The following ZNF808 variants were observed in gnomAD, a reference collection of about 807,000 sequenced individuals.
The protein encoded by ZNF808 is zinc finger protein 808.
In ZNF808, 5 loss-of-function variants were observed where a neutral mutation model predicts 8.7. The ratio of observed to expected loss-of-function variants is 0.58; its 90% CI spans 0.30 to 1.21. The LOEUF (loss-of-function observed/expected upper bound fraction) is 1.21. Ranked by LOEUF, ZNF808 falls within the 50% of genes most tolerant of loss-of-function variation. ZNF808 has a pLI of 0.07. For missense variants in ZNF808, 1,103 were observed against 1,098.4 expected, an observed-to-expected ratio of 1.00 and a Z score of -0.06; for synonymous variants, 380 against 366.0, an observed-to-expected ratio of 1.04 and a Z score of -0.44.
intron 2 of ZNF808, among the ~76,000 whole-genome samples, chr19:52,539,553 T>TTTTG (rs2123110696): frequency 7.2e-6 from 1 of 138,910 alleles, no homozygotes; most frequent in Non-Finnish European, 1.6e-5. Context: ...TGGTGGTTTT[T>TTTTG]TTTTTTTTTT....
exon 4 of ZNF808, chr19:52,564,087 C>T: frequency 3.1e-6 from 2 of 644,918 alleles, no homozygotes; most frequent in Admixed American, 4.2e-5. Flanking sequence ...TGTCTTCTCA[C>T]AAGACTTTCA....
chr19:52,554,401 G>T lies in ZNF808; in HGVS notation c.1485G>T (p.Arg495Ser). 1 of 1,613,896 alleles carries T rather than the reference G, an allele frequency of 6.2e-7. No homozygotes were observed. Among genetic ancestry groups the T allele is most frequent in the Non-Finnish European group, 8.5e-7 (1 of 1,179,982 alleles). Residue 495 changes from arginine to serine, a missense_variant, in exon 5 of 5, where the codon AGG becomes AGT. Physicochemically the swap from Arg to Ser is moderately radical, Grantham distance 110 (BLOSUM62 -1). Coordinates refer to ENST00000359798, the MANE Select transcript of ZNF808 (RefSeq NM_001039886.4). The stretch of plus-strand genomic sequence containing the variant: ...AGTGTCGCAAGACCTTCAGCCGCAG[G>T]TCATCCCTTCTATGCCATCGTAGAC... Reference protein sequence around the residue: ...CNECRKTFSRRSSLLCHRRLH... With the variant: ...CNECRKTFSRSSSLLCHRRLH...
In ZNF808 at chr19:52,547,528, G is replaced by C; in HGVS notation, c.80G>C (p.Arg27Thr). The C allele has an allele frequency of 3.7e-6, 6 of 1,613,896 alleles. No individual in the cohort carries two copies. The highest frequency in any genetic ancestry group is 4.2e-6 in the Non-Finnish European group (5 of 1,179,952). Residue 27 changes from arginine (R) to threonine (T), a missense_variant, in exon 4 of 5, where the codon AGG becomes ACG. Transcript: ENST00000359798. ...TCATTTTAGGGACGCTTGACTTTCA[G>C]GGATGTGGCTATAGAATTCTCATTG... ...MALPQGRLTFRDVAIEFSLAE... is the reference protein window; with the variant it reads ...MALPQGRLTFTDVAIEFSLAE...
At chr19:52,562,861 C>T (rs1477502548) in intron 3 of ZNF808, among the ~76,000 whole-genome samples, 2 of 152,076 alleles carry the variant, frequency 1.3e-5, no homozygotes, top group East Asian at 1.9e-4. Flanking sequence ...GCAACCTACG[C>T]CTCCTTGGTT....
intron 1 of ZNF808, among the ~76,000 whole-genome samples, chr19:52,528,987 G>A (rs1360712441): frequency 3.3e-5 from 5 of 151,652 alleles, no homozygotes; most frequent in Non-Finnish European, 5.9e-5. Flanking sequence ...AAAATGAAGA[G>A]CAGAATCCCA....
At chr19:52,564,359 CTGAA>C (rs2059867418) in exon 4 of ZNF808, 1 of 525,376 alleles carries the variant, frequency 1.9e-6, no homozygotes, top group East Asian at 3.5e-5. Flanking sequence ...TTTTTTCTCT[CTGAA>C]TCTGTTATGA....
chr19:52,557,414 C>A (rs530122827), downstream of ZNF808, among the ~76,000 whole-genome samples: 3 of 152,040 alleles, frequency 2.0e-5, no homozygotes, highest in Admixed American at 2.0e-4. Flanking sequence ...TTACAGGTGC[C>A]CTCCACCACT....
At chr19:52,549,462 T>A (rs935107211) in intron 4 of ZNF808, among the ~76,000 whole-genome samples, 2 of 152,228 alleles carry the variant, frequency 1.3e-5, no homozygotes, top group Admixed American at 1.3e-4. Flanking sequence ...AATTTAAGGA[T>A]GTAAAACTGC....
chr19:52,555,667 A>C lies in ZNF808; in HGVS notation c.*39A>C, dbSNP rs760371642. On this transcript the variant is annotated 3_prime_UTR_variant, in exon 5 of 5. Transcript: ENST00000359798. Reference sequence around the variant, plus strand: ...ACAAAGTCTTCAGTAACACTACAACAATTGCAAATCATTGGAGAATCCATG... The same window carrying C: ...ACAAAGTCTTCAGTAACACTACAACCATTGCAAATCATTGGAGAATCCATG... The C allele has an allele frequency of 1.3e-6, 2 of 1,573,686 alleles. No homozygotes were observed. Among genetic ancestry groups the C allele is most frequent in the East Asian group, 4.5e-5 (2 of 44,670 alleles).
chr19:52,539,618 G>A (rs944286179), intron 2 of ZNF808, among the ~76,000 whole-genome samples: 1 of 134,840 alleles, frequency 7.4e-6, no homozygotes, highest in South Asian at 2.3e-4. Flanking sequence ...GCAATGGTGC[G>A]ATCTTGCTCA....
chr19:52,553,758 A>T lies in ZNF808; in HGVS notation c.842A>T (p.His281Leu), dbSNP rs1451016872. ...KQYLACHRRC[H>L]TGEKPYKCKE... Reference sequence around the variant, plus strand: ...TACCTTGCATGCCATCGTAGATGTCACACTGGAGAGAAACCTTACAAGTGT... The same window carrying T: ...TACCTTGCATGCCATCGTAGATGTCTCACTGGAGAGAAACCTTACAAGTGT... Residue 281 changes from histidine to leucine, a missense_variant, in exon 5 of 5, where the codon CAC becomes CTC. Transcript: ENST00000359798. 1 of 1,614,076 alleles carries T rather than the reference A, an allele frequency of 6.2e-7. No homozygotes were observed. The highest frequency in any genetic ancestry group is 8.5e-7 in the Non-Finnish European group (1 of 1,180,034).
chr19:52,567,121 G>C (rs1489769456), downstream of ZNF808, among the ~76,000 whole-genome samples: 1 of 151,780 alleles, frequency 6.6e-6, no homozygotes, highest in African/African-American at 2.4e-5. Context: ...CCGGCTAATC[G>C]TTGAATTTTC....
At chr19:52,538,600 C>T (rs1283193097) in intron 2 of ZNF808, among the ~76,000 whole-genome samples, 2 of 145,694 alleles carry the variant, frequency 1.4e-5, no homozygotes, top group Non-Finnish European at 1.5e-5. Context: ...TGTACTTCAG[C>T]GTGGGCAATA....
intron 2 of ZNF808, among the ~76,000 whole-genome samples, chr19:52,536,223 C>A (rs1444228782): frequency 1.3e-5 from 2 of 152,190 alleles, no homozygotes; most frequent in African/African-American, 4.8e-5. Context: ...TTGAACTCGT[C>A]CGGAGGCTGG....
At chr19:52,543,398 G>C (rs561479008) in intron 3 of ZNF808, 51 bp downstream of exon 3, 2 of 1,597,444 alleles carry the variant, frequency 1.3e-6, no homozygotes, top group East Asian at 4.5e-5. Flanking sequence ...TTTCTGAAAT[G>C]TAGTAGTATT....
chr19:52,547,368 A>G (rs1391768610), intron 3 of ZNF808, 144 bp from the exon 4 acceptor site: 1 of 1,499,254 alleles, frequency 6.7e-7, no homozygotes, highest in South Asian at 1.3e-5. Flanking sequence ...CTATACGGAA[A>G]AAATAGTCAA....
downstream of ZNF808, among the ~76,000 whole-genome samples, chr19:52,567,482 ATTTT>A (rs751832324): frequency 5.5e-5 from 5 of 91,634 alleles, no homozygotes; most frequent in Admixed American, 2.2e-4. Context: ...GTCCAGCTGT[ATTTT>A]TTATTATTAT....
At position 52,555,588 on chromosome 19, in the gene ZNF808, T is replaced by A; in HGVS notation, c.2672T>A (p.Ile891Asn). 1 of 1,610,904 alleles carries A rather than the reference T, an allele frequency of 6.2e-7. No homozygotes were observed. The highest frequency in any genetic ancestry group is 8.5e-7 in the Non-Finnish European group (1 of 1,178,548). Reference sequence around the variant, plus strand: ...GCCTTTAGTGACCGGTCAACACTTATTCACCATCAGGCAATTCATGGTATA... The same window carrying A: ...GCCTTTAGTGACCGGTCAACACTTAATCACCATCAGGCAATTCATGGTATA... ...GKAFSDRSTL[I>N]HHQAIHGIGK... Residue 891 changes from isoleucine (I) to asparagine (N), a missense_variant, in exon 5 of 5, where the codon ATT becomes AAT. Transcript: ENST00000359798.
chr19:52,555,225 A>G lies in ZNF808; in HGVS notation c.2309A>G (p.Asn770Ser), dbSNP rs1337854452. 14 of 1,613,966 alleles carry G rather than the reference A, an allele frequency of 8.7e-6. No homozygotes were observed. The highest frequency in any genetic ancestry group is 8.0e-5 in the African/African-American group (6 of 74,892). ...CCTTACAAGTGTAACGACTGTGGCA[A>G]TACCTTCCGTCACTGGTCATCCCTT... ...EKPYKCNDCG[N>S]TFRHWSSLVY... The change falls in exon 5 of 5, where the codon AAT (asparagine) becomes AGT (serine). Residue 770 changes from asparagine to serine, a missense_variant. Coordinates refer to ENST00000359798, the MANE Select transcript of ZNF808 (RefSeq NM_001039886.4).
Sources: allele counts gnomAD v4.1 joint callset (sites outside exome capture counted in the v4.1 genomes callset), GRCh38; gene constraint gnomAD v4.1.1; transcripts MANE v1.5; gene names NCBI Gene and HGNC (gene_info 2026-07-23, HGNC 2026-07-21).